The following ANAPC10 variants were observed in gnomAD, a reference collection of about 807,000 sequenced individuals.
The protein encoded by ANAPC10 is anaphase-promoting complex subunit 10.
Under a neutral mutation model 22.0 loss-of-function variants are expected in ANAPC10, and 12 were observed. The observed-to-expected ratio is 0.55, with a 90% confidence interval of 0.35 to 0.88. The LOEUF (loss-of-function observed/expected upper bound fraction) is 0.88, where lower values mean the gene tolerates loss of function less well. ANAPC10 is among the 40% of genes least tolerant of loss of function. The pLI is 0.01. For synonymous variants in ANAPC10, 65 were observed against 69.5 expected (o/e 0.94, Z 0.32); for missense variants, 188 against 220.9 (o/e 0.85, Z 0.94).
At chr4:145,082,455 A>G (rs1280729415) in intron 2 of ANAPC10, among the ~76,000 whole-genome samples, 2 of 152,250 alleles carry the variant, frequency 1.3e-5, no homozygotes, top group African/African-American at 4.8e-5. Flanking sequence ...AGCCGGATAC[A>G]TTTTAAAGAA....
At chr4:145,002,831 A>G (rs1447923119) in intron 4 of ANAPC10, among the ~76,000 whole-genome samples, 1 of 152,180 alleles carries the variant, frequency 6.6e-6, no homozygotes, top group Non-Finnish European at 1.5e-5. Context: ...TTATATACAT[A>G]ATATTATTTT....
intron 4 of ANAPC10, among the ~76,000 whole-genome samples, chr4:145,034,401 G>C (rs1414892625): frequency 6.6e-6 from 1 of 151,824 alleles, no homozygotes; most frequent in East Asian, 1.9e-4. Flanking sequence ...TCCTGCCCTT[G>C]AACATCAGAC....
chr4:145,001,078 A>G (rs1732471705), intron 4 of ANAPC10, among the ~76,000 whole-genome samples: 1 of 152,008 alleles, frequency 6.6e-6, no homozygotes. Flanking sequence ...AGAAATACCT[A>G]ATGTAAATGA....
At chr4:145,018,798 T>C (rs1164486009) in intron 4 of ANAPC10, among the ~76,000 whole-genome samples, 1 of 152,168 alleles carries the variant, frequency 6.6e-6, no homozygotes, top group Non-Finnish European at 1.5e-5. Flanking sequence ...GGGGTAGCTA[T>C]TCTTATGTCA....
chr4:145,030,594 C>T (rs1197767491), intron 4 of ANAPC10, among the ~76,000 whole-genome samples: 3 of 152,170 alleles, frequency 2.0e-5, no homozygotes, highest in Non-Finnish European at 4.4e-5. Flanking sequence ...CTGACTTACA[C>T]TGGGTCCAGT....
intron 4 of ANAPC10, among the ~76,000 whole-genome samples, chr4:145,052,232 T>G (rs955214155): frequency 1.3e-5 from 2 of 152,190 alleles, no homozygotes; most frequent in Non-Finnish European, 2.9e-5. Flanking sequence ...ATTGTATACT[T>G]GAAAATTGCT....
At chr4:145,035,304 A>G (rs1738346883) in intron 4 of ANAPC10, 1 of 152,184 alleles carries the variant, frequency 6.6e-6, no homozygotes. Flanking sequence ...ATAGAGGAGG[A>G]CCACTCTTTG....
intron 4 of ANAPC10, among the ~76,000 whole-genome samples, chr4:145,040,621 A>G (rs140722307): frequency 1.7e-3 from 253 of 152,360 alleles, no homozygotes; most frequent in African/African-American, 5.9e-3. Flanking sequence ...AAGTTCATAG[A>G]AAGGTTATAC....
intron 4 of ANAPC10, chr4:145,053,536 G>A (rs11734845): frequency 0.45 from 180,824 of 399,068 alleles, 41,835 homozygotes; most frequent in Middle Eastern, 0.49. Flanking sequence ...CTAAAAAAGT[G>A]GTGAGATGGC....
intron 3 of ANAPC10, among the ~76,000 whole-genome samples, chr4:145,066,709 A>G (rs947126722): frequency 6.6e-6 from 1 of 152,084 alleles, no homozygotes; most frequent in Non-Finnish European, 1.5e-5. Context: ...GTAATGCTCT[A>G]TACATATTGT....
intron 4 of ANAPC10, among the ~76,000 whole-genome samples, chr4:145,057,329 A>G (rs1360011632): frequency 6.6e-6 from 1 of 152,218 alleles, no homozygotes; most frequent in Non-Finnish European, 1.5e-5. Flanking sequence ...CTATTAAAAC[A>G]TGAAATACAG....
chr4:145,075,370 T>C (rs1433631808), intron 3 of ANAPC10, among the ~76,000 whole-genome samples: 1 of 152,188 alleles, frequency 6.6e-6, no homozygotes, highest in Non-Finnish European at 1.5e-5. Context: ...TAGTACCTTT[T>C]ATTTTAATTT....
At chr4:145,059,390 T>C (rs1742543715) in intron 4 of ANAPC10, among the ~76,000 whole-genome samples, 1 of 152,146 alleles carries the variant, frequency 6.6e-6, no homozygotes, top group Non-Finnish European at 1.5e-5. Context: ...TACAGCTCTC[T>C]CTAACACTGA....
At chr4:145,088,575 A>T (rs1046599881) in intron 2 of ANAPC10, among the ~76,000 whole-genome samples, 4 of 152,088 alleles carry the variant, frequency 2.6e-5, no homozygotes, top group Admixed American at 1.3e-4. Context: ...CACCTCTAAA[A>T]ATATATCCCA....
At chr4:145,084,732 C>G (rs777463885) in intron 2 of ANAPC10, among the ~76,000 whole-genome samples, 1 of 152,182 alleles carries the variant, frequency 6.6e-6, no homozygotes, top group Non-Finnish European at 1.5e-5. Context: ...ACGGTAGCCA[C>G]TAGCCACATG....
intron 4 of ANAPC10, among the ~76,000 whole-genome samples, chr4:144,998,488 G>A (rs1227759267): frequency 6.6e-6 from 1 of 152,148 alleles, no homozygotes; most frequent in African/African-American, 2.4e-5. Context: ...CAACTACATG[G>A]AAACTGAACA....
intron 1 of ANAPC10, among the ~76,000 whole-genome samples, chr4:145,096,772 A>T (rs1748593258): frequency 6.6e-6 from 1 of 151,996 alleles, no homozygotes; most frequent in Admixed American, 6.5e-5. Context: ...CTGGTCTTGA[A>T]CACCTTGCTT....
At chr4:145,097,816 T>C (rs1004994369) in intron 1 of ANAPC10, 1 of 341,060 alleles carries the variant, frequency 2.9e-6, no homozygotes, top group Non-Finnish European at 5.8e-6. Flanking sequence ...CTGCCGGACT[T>C]GGGACTGGAC....
chr4:145,019,073 T>G (rs866854689), intron 4 of ANAPC10, among the ~76,000 whole-genome samples: 2 of 152,108 alleles, frequency 1.3e-5, no homozygotes, highest in Non-Finnish European at 1.5e-5. Context: ...AACAATGGAT[T>G]TAAACTAGAC....
Sources: allele counts gnomAD v4.1 joint callset (sites outside exome capture counted in the v4.1 genomes callset), GRCh38; gene constraint gnomAD v4.1.1; transcripts MANE v1.5; gene names NCBI Gene and HGNC (gene_info 2026-07-23, HGNC 2026-07-21).